Variants in CLASP1 observed in about 807,000 individuals in gnomAD.
CLASP1 encodes the protein CLIP-associating protein 1.
CLASP1 carries 38 observed loss-of-function variants against 192.3 expected under a neutral mutation model. The observed-to-expected ratio is 0.20, with a 90% CI of 0.15 to 0.26. The LOEUF is 0.26. Among genes scored for constraint, CLASP1 ranks in the 10% least tolerant of loss-of-function variants. CLASP1 has a pLI of 1.00. For synonymous variants in CLASP1, 691 were observed against 712.8 expected (o/e 0.97, Z 0.49); for missense variants, 1,433 against 1,932.5 (o/e 0.74, Z 4.85).
intron 2 of CLASP1, among the ~76,000 whole-genome samples, chr2:121,551,590 C>T (rs1217391265): frequency 1.3e-5 from 2 of 152,034 alleles, no homozygotes; most frequent in East Asian, 1.9e-4. Flanking sequence ...GAATGAACAC[C>T]CATTCACAAT....
At chr2:121,592,853 C>G (rs1391898846) in intron 2 of CLASP1, among the ~76,000 whole-genome samples, 2 of 152,154 alleles carry the variant, frequency 1.3e-5, no homozygotes, top group Non-Finnish European at 2.9e-5. Flanking sequence ...GGGGTTTCAC[C>G]GTGCTAGCCA....
At chr2:121,521,506 G>A (rs998932893) in intron 6 of CLASP1, among the ~76,000 whole-genome samples, 12 of 152,064 alleles carry the variant, frequency 7.9e-5, no homozygotes, top group Admixed American at 5.9e-4. Context: ...GGCAGATCCC[G>A]GAAACTTCCT....
intron 22 of CLASP1, among the ~76,000 whole-genome samples, chr2:121,419,956 G>C (rs72967373): frequency 0.039 from 5,864 of 152,094 alleles, 157 homozygotes; most frequent in East Asian, 0.14. Context: ...TTATTATACA[G>C]CCAAAGTATA....
At chr2:121,514,793 TA>T in intron 7 of CLASP1, among the ~76,000 whole-genome samples, 1 of 152,352 alleles carries the variant, frequency 6.6e-6, no homozygotes, top group East Asian at 1.9e-4. Context: ...CAGTATGCCA[TA>T]AACTCTTTTG....
intron 29 of CLASP1, 141 bp from the exon 31 acceptor site, chr2:121,397,424 C>A: frequency 1.4e-6 from 1 of 692,966 alleles, no homozygotes. Flanking sequence ...CCACGTGGAG[C>A]GACATCCAAC....
intron 2 of CLASP1, among the ~76,000 whole-genome samples, chr2:121,604,587 G>A (rs1251874401): frequency 6.6e-6 from 1 of 152,158 alleles, no homozygotes; most frequent in Non-Finnish European, 1.5e-5. Context: ...AGGATTGCTT[G>A]AGCCCAGGAG....
At chr2:121,518,008 G>T (rs187748624) in intron 6 of CLASP1, among the ~76,000 whole-genome samples, 3 of 150,094 alleles carry the variant, frequency 2.0e-5, no homozygotes, top group African/African-American at 7.4e-5. Flanking sequence ...AAGTTCAGGC[G>T]AGTTCAAGGT....
chr2:121,583,416 G>A (rs2061415790), intron 2 of CLASP1, among the ~76,000 whole-genome samples: 1 of 152,018 alleles, frequency 6.6e-6, no homozygotes, highest in South Asian at 2.1e-4. Context: ...CTAACCTCTG[G>A]GAATTGTGAT....
intron 2 of CLASP1, among the ~76,000 whole-genome samples, chr2:121,563,992 G>T (rs2059307868): frequency 6.6e-6 from 1 of 152,148 alleles, no homozygotes; most frequent in African/African-American, 2.4e-5. Flanking sequence ...CTTGTGCAGG[G>T]AAACTCCCAT....
At chr2:121,587,534 A>G (rs527252609) in intron 2 of CLASP1, among the ~76,000 whole-genome samples, 12 of 152,324 alleles carry the variant, frequency 7.9e-5, no homozygotes, top group Non-Finnish European at 1.5e-4. Context: ...TGAATAAACA[A>G]GAAGCTCAAT....
chr2:121,362,848 C>A (rs1301644181), intron 37 of CLASP1, among the ~76,000 whole-genome samples: 2 of 152,226 alleles, frequency 1.3e-5, no homozygotes, highest in African/African-American at 4.8e-5. Context: ...CTACCAGAGG[C>A]TAAATGCCAG....
At chr2:121,452,277 C>T (rs1393014871) in intron 14 of CLASP1, among the ~76,000 whole-genome samples, 2 of 152,260 alleles carry the variant, frequency 1.3e-5, no homozygotes, top group East Asian at 1.9e-4. Context: ...TTAAAAGTAC[C>T]TTGAAAAACT....
At chr2:121,451,331 G>T (rs1559250894) in intron 15 of CLASP1, among the ~76,000 whole-genome samples, 1 of 152,218 alleles carries the variant, frequency 6.6e-6, no homozygotes, top group Non-Finnish European at 1.5e-5. Context: ...ACAAAAGCTT[G>T]TGTTTTTCAC....
chr2:121,369,832 C>T (rs1314044408), intron 34 of CLASP1, among the ~76,000 whole-genome samples: 1 of 152,106 alleles, frequency 6.6e-6, no homozygotes, highest in African/African-American at 2.4e-5. Flanking sequence ...ATGGAAATGA[C>T]ATTTTTTTTT....
intron 39 of CLASP1, among the ~76,000 whole-genome samples, chr2:121,341,870 T>C (rs1297896712): frequency 6.6e-6 from 1 of 152,214 alleles, no homozygotes; most frequent in East Asian, 1.9e-4. Context: ...TAATTTGTGA[T>C]TTAACATATG....
intron 1 of CLASP1, among the ~76,000 whole-genome samples, chr2:121,614,795 A>T (rs118175341): frequency 6.6e-6 from 1 of 152,236 alleles, no homozygotes; most frequent in Non-Finnish European, 1.5e-5. Context: ...AGTTTCCAGC[A>T]TACTCAGAGA....
intron 2 of CLASP1, among the ~76,000 whole-genome samples, chr2:121,558,631 C>T (rs1057320665): frequency 1.3e-5 from 2 of 152,202 alleles, no homozygotes; most frequent in African/African-American, 4.8e-5. Flanking sequence ...AAAATGCCCA[C>T]CAGCTAGAAG....
intron 1 of CLASP1, among the ~76,000 whole-genome samples, chr2:121,619,954 G>A (rs1446964891): frequency 6.6e-6 from 1 of 152,084 alleles, no homozygotes; most frequent in Non-Finnish European, 1.5e-5. Flanking sequence ...GGGCTTGGTG[G>A]CTTAGATCTG....
chr2:121,384,576 T>TA (rs1012145456), intron 32 of CLASP1, among the ~76,000 whole-genome samples: 11 of 146,058 alleles, frequency 7.5e-5, no homozygotes, highest in East Asian at 4.0e-4. Context: ...AATTTTGGAC[T>TA]AAAAAAAAAA....
Sources: allele counts gnomAD v4.1 joint callset (sites outside exome capture counted in the v4.1 genomes callset), GRCh38; gene constraint gnomAD v4.1.1; transcripts MANE v1.5; gene names NCBI Gene and HGNC (gene_info 2026-07-23, HGNC 2026-07-21).